The following CPED1 variants were observed in gnomAD, a reference collection of about 807,000 sequenced individuals.
The protein encoded by CPED1 is cadherin-like and PC-esterase domain-containing protein 1.
In CPED1, 114 loss-of-function variants were observed where a neutral mutation model predicts 128.2. The ratio of observed to expected loss-of-function variants is 0.89; its 90% CI spans 0.76 to 1.04. The LOEUF (loss-of-function observed/expected upper bound fraction) is 1.04, where lower values mean the gene tolerates loss of function less well. Among genes scored for constraint, CPED1 ranks in the 50% least tolerant of loss-of-function variants. The pLI is 0.00. For missense variants in CPED1, 1,211 were observed against 1,207.1 expected (o/e 1.00, Z -0.05); for synonymous variants, 462 against 426.7 (o/e 1.08, Z -1.02).
At chr7:121,109,839 A>C (rs1438379284) in intron 7 of CPED1, among the ~76,000 whole-genome samples, 1 of 152,202 alleles carries the variant, frequency 6.6e-6, no homozygotes, top group Non-Finnish European at 1.5e-5. Flanking sequence ...ACATTATGCT[A>C]AGGAAATATA....
chr7:121,047,702 TCTTCTTCTTCTTC>T (rs1563004972), intron 4 of CPED1, among the ~76,000 whole-genome samples: 75 of 106,208 alleles, frequency 7.1e-4, no homozygotes, highest in African/African-American at 1.2e-3. Flanking sequence ...TTCTTCTTCT[TCTTCTTCTTCTTC>T]TTTTTTTTTT....
intron 5 of CPED1, among the ~76,000 whole-genome samples, chr7:121,080,688 T>C (rs1794263670): frequency 2.0e-5 from 3 of 150,234 alleles, no homozygotes; most frequent in South Asian, 2.1e-4. Context: ...TATTTACTTA[T>C]GCATTTTAAA....
At chr7:121,225,796 C>T (rs191706679) in intron 16 of CPED1, among the ~76,000 whole-genome samples, 16 of 152,182 alleles carry the variant, frequency 1.1e-4, no homozygotes, top group African/African-American at 2.6e-4. Flanking sequence ...GTATGCATCA[C>T]GAAGTTCTCA....
chr7:121,155,056 G>A (rs1330939379), intron 16 of CPED1, among the ~76,000 whole-genome samples: 1 of 151,994 alleles, frequency 6.6e-6, no homozygotes, highest in Non-Finnish European at 1.5e-5. Context: ...AAAATCAATG[G>A]CATTTATATA....
At chr7:121,083,669 C>T (rs1248902622) in intron 5 of CPED1, 4 of 152,276 alleles carry the variant, frequency 2.6e-5, no homozygotes, top group African/African-American at 7.2e-5. Flanking sequence ...AAATCCTGTC[C>T]TGACCACTTG....
At chr7:120,995,032 C>T (rs1268805353) in intron 2 of CPED1, among the ~76,000 whole-genome samples, 3 of 152,082 alleles carry the variant, frequency 2.0e-5, no homozygotes, top group African/African-American at 4.8e-5. Context: ...ATTGCCAATT[C>T]CAAATCTTTC....
chr7:121,220,355 C>G (rs1310279363), intron 16 of CPED1, among the ~76,000 whole-genome samples: 1 of 151,950 alleles, frequency 6.6e-6, no homozygotes, highest in Non-Finnish European at 1.5e-5. Flanking sequence ...TGCTCATCCC[C>G]CTACCTGGAA....
At chr7:121,030,698 C>T (rs1792706694) in intron 3 of CPED1, among the ~76,000 whole-genome samples, 1 of 152,112 alleles carries the variant, frequency 6.6e-6, no homozygotes, top group South Asian at 2.1e-4. Context: ...TGTCATTAAT[C>T]TCTTAATGTG....
intron 16 of CPED1, among the ~76,000 whole-genome samples, chr7:121,161,149 G>A (rs1796405559): frequency 6.6e-6 from 1 of 152,096 alleles, no homozygotes; most frequent in Non-Finnish European, 1.5e-5. Context: ...GTCAGGTTTG[G>A]TAGCTTAGAA....
intron 5 of CPED1, among the ~76,000 whole-genome samples, chr7:121,066,299 T>A (rs1465869668): frequency 1.3e-5 from 2 of 152,136 alleles, no homozygotes; most frequent in Non-Finnish European, 2.9e-5. Context: ...ATTCTCTGTG[T>A]GACTTCAGGG....
chr7:121,058,040 G>A (rs1188497020), intron 4 of CPED1, among the ~76,000 whole-genome samples: 1 of 152,040 alleles, frequency 6.6e-6, no homozygotes, highest in Non-Finnish European at 1.5e-5. Context: ...AGGAACAATA[G>A]GCCTACAGTA....
At chr7:121,131,428 G>C (rs918464201) in intron 12 of CPED1, among the ~76,000 whole-genome samples, 5 of 151,084 alleles carry the variant, frequency 3.3e-5, no homozygotes, top group African/African-American at 1.2e-4. Flanking sequence ...AATAATCTAA[G>C]ACTGTCTCAT....
At chr7:121,132,022 A>G (rs1379711461) in intron 12 of CPED1, among the ~76,000 whole-genome samples, 1 of 151,622 alleles carries the variant, frequency 6.6e-6, no homozygotes, top group African/African-American at 2.4e-5. Flanking sequence ...TAATAGTGAG[A>G]CAAGTAAACC....
At chr7:121,273,015 G>T (rs559836598) in intron 22 of CPED1, among the ~76,000 whole-genome samples, 2 of 149,982 alleles carry the variant, frequency 1.3e-5, no homozygotes, top group African/African-American at 4.9e-5. Context: ...CTTGGAATAT[G>T]ATTTTTTTTT....
intron 21 of CPED1, 147 bp downstream of exon 21, chr7:121,267,449 C>G: frequency 2.3e-6 from 1 of 435,912 alleles, no homozygotes; most frequent in Admixed American, 4.1e-5. Flanking sequence ...CTTACCCCAC[C>G]AATTTTACAT....
intron 14 of CPED1, among the ~76,000 whole-genome samples, chr7:121,139,396 T>A (rs1272710194): frequency 6.7e-6 from 1 of 149,398 alleles, no homozygotes; most frequent in East Asian, 1.9e-4. Context: ...TATATAGGGT[T>A]TTTTTTTTCA....
intron 8 of CPED1, among the ~76,000 whole-genome samples, 176 bp from the exon 9 acceptor site, chr7:121,125,643 TC>T (rs1325563706): frequency 6.6e-6 from 1 of 152,192 alleles, no homozygotes; most frequent in Non-Finnish European, 1.5e-5. Context: ...CTTGAACTCA[TC>T]CTTTTTTTAT....
intron 4 of CPED1, among the ~76,000 whole-genome samples, chr7:121,060,413 G>A (rs1353427660): frequency 1.3e-5 from 2 of 152,250 alleles, no homozygotes; most frequent in Non-Finnish European, 2.9e-5. Context: ...AGTCTGGTGG[G>A]GACGTGGAGA....
In CPED1 at chr7:121,186,920, A is replaced by T. The variant is rs180909289; in HGVS notation, c.2055+44779A>T. On this transcript the variant is annotated intron_variant, in intron 16 of 22. Coordinates refer to ENST00000310396, the MANE Select transcript of CPED1 (RefSeq NM_024913.5). Reference sequence around the variant, plus strand: ...CGTACTTCAGAAGAGTCTGCACATTAGTGTGGTCTACTCTGATACTTCCTG... The same window carrying T: ...CGTACTTCAGAAGAGTCTGCACATTTGTGTGGTCTACTCTGATACTTCCTG... Among the ~76,000 whole-genome samples the T allele has an allele frequency of 3.8e-3, 581 of 152,290 alleles. 7 individuals are homozygous for T. Among genetic ancestry groups the T allele is most frequent in the Middle Eastern group, 6.8e-3 (2 of 294 alleles).
Sources: allele counts gnomAD v4.1 joint callset (sites outside exome capture counted in the v4.1 genomes callset), GRCh38; gene constraint gnomAD v4.1.1; transcripts MANE v1.5; gene names NCBI Gene and HGNC (gene_info 2026-07-23, HGNC 2026-07-21).